The following OBSL1 variants were observed in gnomAD, a reference collection of about 807,000 sequenced individuals.
The protein encoded by OBSL1 is obscurin like cytoskeletal adaptor 1.
OBSL1 carries 160 observed loss-of-function variants against 172.0 expected under a neutral mutation model. That is an observed-to-expected ratio of 0.93 (90% confidence interval 0.82 to 1.06). The LOEUF (loss-of-function observed/expected upper bound fraction) is 1.06, where lower values mean the gene tolerates loss of function less well. Among genes scored for constraint, OBSL1 ranks in the 50% least tolerant of loss-of-function variants. The pLI, the probability that OBSL1 is intolerant of heterozygous loss-of-function variation, is 0.00. For synonymous variants in OBSL1, 1,200 were observed against 1,196.3 expected (o/e 1.00, Z -0.06); for missense variants, 2,681 against 2,715.4 (o/e 0.99, Z 0.28).
downstream of OBSL1, chr2:219,550,532 C>T: frequency 2.3e-6 from 1 of 437,082 alleles, no homozygotes; most frequent in East Asian, 3.9e-5. Context: ...GCTTCTGTCT[C>T]CCCCACCCCA....
chr2:219,567,172 A>T (rs1696963694), intron 4 of OBSL1, 46 bp from the exon 5 acceptor site: 3 of 1,592,174 alleles, frequency 1.9e-6, no homozygotes, highest in Non-Finnish European at 2.6e-6. Context: ...AAGGTGTGGC[A>T]GAGGGCAGAG....
intron 14 of OBSL1, 158 bp downstream of exon 14, chr2:219,555,862 G>T (rs1695958120): frequency 2.1e-6 from 3 of 1,435,202 alleles, no homozygotes; most frequent in African/African-American, 1.4e-5. Context: ...ATTAGAAAAA[G>T]AAAAGTTTTG....
Position 219,556,631 on chromosome 2 carries a change from C to G in OBSL1, c.4159G>C (p.Asp1387His), listed in dbSNP as rs201682018. 2 of 1,613,998 alleles carry G rather than the reference C, an allele frequency of 1.2e-6. No homozygotes were observed. Among genetic ancestry groups the G allele is most frequent in the African/African-American group, 1.3e-5 (1 of 75,044 alleles). The change falls in exon 13 of 21, where the codon GAT becomes CAT. Residue 1387 changes from aspartate to histidine, a missense_variant. Physicochemically the swap from Asp to His is moderately conservative, Grantham distance 81. Coordinates refer to ENST00000404537, the MANE Select transcript of OBSL1 (RefSeq NM_015311.3). ...ATFRCEVSPPDADVTWLRNGA... is the reference protein window; with the variant it reads ...ATFRCEVSPPHADVTWLRNGA... ...TTGCGCAGCCAGGTGACATCGGCAT[C>G]TGGTGGGGAGACTTCACACCGGAAC...
chr2:219,570,152 G>A, intron 1 of OBSL1, 69 bp downstream of exon 1: 1 of 1,352,502 alleles, frequency 7.4e-7, no homozygotes, highest in East Asian at 2.6e-5. Context: ...GGGCACCGAG[G>A]AGGGCTGGAG....
At chr2:219,561,761 G>C (rs761378119) in intron 8 of OBSL1, 2 of 668,424 alleles carry the variant, frequency 3.0e-6, no homozygotes, top group Non-Finnish European at 5.5e-6. Context: ...CACAGGGGTC[G>C]CAAACTCAAA....
At chr2:219,562,327 C>G in intron 8 of OBSL1, 75 bp downstream of exon 8, 1 of 1,553,520 alleles carries the variant, frequency 6.4e-7, no homozygotes, top group Non-Finnish European at 8.8e-7. Flanking sequence ...GGGGTGCTAG[C>G]TGGGGCTATG....
chr2:219,563,588 A>G lies in OBSL1; in HGVS notation c.2447T>C (p.Phe816Ser). 1 of 1,613,090 alleles carries G rather than the reference A, an allele frequency of 6.2e-7. No homozygotes were observed. Among genetic ancestry groups the G allele is most frequent in the Non-Finnish European group, 8.5e-7 (1 of 1,179,694 alleles). Residue 816 changes from phenylalanine (F) to serine (S), a missense_variant, in exon 7 of 21, where the codon TTC becomes TCC. Transcript: ENST00000404537. The stretch of plus-strand genomic sequence containing the variant: ...ACACTCGGAAGTTATGGCATGCACG[A>G]ACACATGTTCTCGGGGGTCCACGAT... ...VHIVDPREHV[F>S]VHAITSECVM...
rs776027841 is a variant in OBSL1, at chr2:219,554,602, G to A, written c.4748C>T (p.Pro1583Leu). 5.6e-6 allele frequency: 9 copies of A among 1,613,166 alleles called. No homozygotes were observed. The East Asian group carries it at 1.8e-4, about 32-fold the overall frequency. Reference sequence around the variant, plus strand: ...GCCGTCCGAGTGGATGTGACACTTGGGTCCTGGATACAGCTGTACTCCACC... The same window carrying A: ...GCCGTCCGAGTGGATGTGACACTTGAGTCCTGGATACAGCTGTACTCCACC... ...ARGGVQLYPG[P>L]KCHIHSDGHR... Residue 1583 changes from proline (P) to leucine (L), a missense_variant, in exon 15 of 21, where the codon CCC (proline) becomes CTC (leucine). Physicochemically the swap from Pro to Leu is moderately conservative, Grantham distance 98. Coordinates refer to ENST00000404537, the MANE Select transcript of OBSL1 (RefSeq NM_015311.3).
intron 1 of OBSL1, 39 bp downstream of exon 1, chr2:219,570,182 C>A: frequency 2.0e-6 from 3 of 1,472,526 alleles, no homozygotes; most frequent in Non-Finnish European, 2.7e-6. Context: ...CCTCGGAGGA[C>A]ACTCGAGGCC....
intron 19 of OBSL1, among the ~76,000 whole-genome samples, 154 bp from the exon 20 acceptor site, chr2:219,551,952 G>C (rs1349316633): frequency 6.6e-6 from 1 of 152,236 alleles, no homozygotes; most frequent in East Asian, 1.9e-4. Flanking sequence ...GTCTCCTCTT[G>C]CCGGGGAAAC....
intron 7 of OBSL1, chr2:219,563,109 C>T: frequency 1.9e-6 from 1 of 522,362 alleles, no homozygotes; most frequent in Non-Finnish European, 3.4e-6. Context: ...AGAGATTTCC[C>T]TTGGTACAGG....
In OBSL1 at chr2:219,552,200, C is replaced by G. The variant is rs1695666095; in HGVS notation, c.5325G>C (p.Leu1775=). 1 of 1,606,984 alleles carries G rather than the reference C, an allele frequency of 6.2e-7. No individual in the cohort carries two copies. Among genetic ancestry groups the G allele is most frequent in the Non-Finnish European group, 8.5e-7 (1 of 1,177,296 alleles). The part of the protein sequence containing the change: ...RIRQEGKKHI[L]VLSELRAEDA... Reference sequence around the variant, plus strand: ...CCTCGGCGCGCAGCTCGCTAAGCACCAGAATGTGTTTCTTCCCTGGGGGTG... The same window carrying G: ...CCTCGGCGCGCAGCTCGCTAAGCACGAGAATGTGTTTCTTCCCTGGGGGTG... Residue 1775 remains leucine, a synonymous_variant, in exon 19 of 21, where the codon CTG becomes CTC. Coordinates refer to ENST00000404537, the MANE Select transcript of OBSL1 (RefSeq NM_015311.3).
In OBSL1 at chr2:219,571,292, C is replaced by T. The variant is rs546076009; in HGVS notation, c.-60G>A. Reference sequence around the variant, plus strand: ...GGGGGGCAGGGGGGGGTGCGGAGGGCGAGCCGAGGCCCGGGGCGGCGGGGT... The same window carrying T: ...GGGGGGCAGGGGGGGGTGCGGAGGGTGAGCCGAGGCCCGGGGCGGCGGGGT... On this transcript the variant is annotated 5_prime_UTR_variant, in exon 1 of 21. Transcript: ENST00000404537. 46 of 959,894 alleles carry T rather than the reference C, an allele frequency of 4.8e-5. No individual in the cohort carries two copies. The African/African-American group carries it at 5.8e-4, about 12-fold the overall frequency. The allele number at this position is 959,894 out of a possible 1,614,324, so 59.5% of individuals were successfully genotyped here. A position where few individuals can be genotyped will look rare whatever the true frequency, so the allele number is the denominator to read the frequency against.
At chr2:219,561,684 C>G in intron 8 of OBSL1, 1 of 588,188 alleles carries the variant, frequency 1.7e-6, no homozygotes, top group South Asian at 2.0e-5. Context: ...GAGCCCTCTG[C>G]CCTTGGCCCT....
rs912853854 is a variant in OBSL1 at position 219,553,806 on chromosome 2, G to C, written c.4877-120C>G. The C allele has an allele frequency of 2.9e-5, 16 of 542,712 alleles. No homozygotes were observed. The South Asian group carries it at 3.1e-4, about 11-fold the overall frequency. 33.6% of individuals were successfully genotyped at this position (542,712 alleles called of 1,614,324 possible). ...TAGAGGACACTAGCGAGTGGGGTTC[G>C]AGCTGGGACAAGTGGTCCAAGAAGG... is the stretch of plus-strand genomic sequence containing the variant. On this transcript the variant is annotated intron_variant, in intron 15 of 20. Coordinates refer to ENST00000404537, the MANE Select transcript of OBSL1 (RefSeq NM_015311.3).
At chr2:219,552,762 A>G in intron 17 of OBSL1, 65 bp from the exon 18 acceptor site, 1 of 1,512,446 alleles carries the variant, frequency 6.6e-7, no homozygotes, top group Non-Finnish European at 8.9e-7. Flanking sequence ...CGCCCCCTCC[A>G]CGCCCCCTTT....
chr2:219,570,616 A>G lies in OBSL1; in HGVS notation c.617T>C (p.Val206Ala), dbSNP rs1309142611. The G allele has an allele frequency of 6.6e-7, 1 of 1,514,980 alleles. No individual in the cohort carries two copies. Among genetic ancestry groups the G allele is most frequent in the Non-Finnish European group, 8.8e-7 (1 of 1,135,976 alleles). 93.8% of individuals were successfully genotyped at this position (1,514,980 alleles called of 1,614,324 possible). Reference protein sequence around the residue: ...ILAARLPDSGVYVCHARNAHG... With the variant: ...ILAARLPDSGAYVCHARNAHG... ...CGCGTTGCGGGCGTGGCACACGTAGACGCCGGAATCCGGCAGCCGAGCCGC... is the reference window on the plus strand; with the variant it reads ...CGCGTTGCGGGCGTGGCACACGTAGGCGCCGGAATCCGGCAGCCGAGCCGC... The change falls in exon 1 of 21, where the codon GTC (valine) becomes GCC (alanine). Residue 206 changes from valine (V) to alanine (A), a missense_variant. By Grantham distance (64) the Val-to-Ala change is moderately conservative. This residue lies in a region of OBSL1 where 706 missense variants were observed against 695.8 expected (regional missense o/e 1.01). Coordinates refer to ENST00000404537, the MANE Select transcript of OBSL1 (RefSeq NM_015311.3).
At chr2:219,563,709 TTC>T in intron 6 of OBSL1, 82 bp from the exon 7 acceptor site, 1 of 1,473,794 alleles carries the variant, frequency 6.8e-7, no homozygotes, top group Non-Finnish European at 9.3e-7. Context: ...GAGACACTGT[TTC>T]TGCACAAGAG....
chr2:219,548,036 C>T, downstream of OBSL1: 1 of 1,587,236 alleles, frequency 6.3e-7, no homozygotes, highest in Non-Finnish European at 8.5e-7. Flanking sequence ...GATGGGCGTT[C>T]TGGTGCAGTG....
Sources: allele counts gnomAD v4.1 joint callset (sites outside exome capture counted in the v4.1 genomes callset), GRCh38; gene constraint gnomAD v4.1.1; regional missense constraint gnomAD v4.1.1; transcripts MANE v1.5; gene names NCBI Gene and HGNC (gene_info 2026-07-23, HGNC 2026-07-21).